ZNF454: variants seen among roughly 807,000 people sequenced by gnomAD.
ZNF454 encodes zinc finger protein 454.
ZNF454 carries 30 observed loss-of-function variants against 48.2 expected under a neutral mutation model. The ratio of observed to expected loss-of-function variants is 0.62; its 90% CI spans 0.47 to 0.84. The LOEUF (loss-of-function observed/expected upper bound fraction) is 0.84, where lower values mean the gene tolerates loss of function less well. Among genes scored for constraint, ZNF454 ranks in the 40% least tolerant of loss-of-function variants. ZNF454 has a pLI of 0.00. For missense variants in ZNF454, 510 were observed against 623.1 expected (o/e 0.82, Z 1.93); for synonymous variants, 204 against 211.4 (o/e 0.97, Z 0.30).
the ZNF454 span, among the ~76,000 whole-genome samples, chr5:178,974,637 A>G: frequency 6.6e-6 from 1 of 152,182 alleles, no homozygotes; most frequent in Admixed American, 6.5e-5. Context: ...TTCTGTACTT[A>G]CCATTACTGC....
intron 2 of ZNF454, among the ~76,000 whole-genome samples, chr5:178,945,028 A>G (rs748066622): frequency 4.3e-4 from 53 of 124,526 alleles, no homozygotes; most frequent in South Asian, 2.5e-3. Flanking sequence ...ACACGTGTGC[A>G]TGTGTGTGTG....
At chr5:178,960,101 C>G (rs1759947278) in intron 4 of ZNF454, among the ~76,000 whole-genome samples, 1 of 151,218 alleles carries the variant, frequency 6.6e-6, no homozygotes, top group Non-Finnish European at 1.5e-5. Flanking sequence ...AGGAACACAT[C>G]ACCATGCCTG....
chr5:178,946,656 C>T lies in ZNF454; in HGVS notation c.160+171C>T, dbSNP rs1215709259. Reference sequence around the variant, plus strand: ...GGGCACAGGCCTCTTTTGGAGTCCACTGCGGATGCCTCAAAAGTGACTAGG... The same window carrying T: ...GGGCACAGGCCTCTTTTGGAGTCCATTGCGGATGCCTCAAAAGTGACTAGG... On this transcript the variant is annotated intron_variant, in intron 3 of 4. Coordinates refer to ENST00000519564, the MANE Select transcript of ZNF454 (RefSeq NM_001178089.3). The surrounding 1 kb of genome is among the most constrained non-coding windows in gnomAD (Gnocchi z 4.5). 6.6e-6 allele frequency among the ~76,000 whole-genome samples: 1 copy of T among 152,180 alleles called. No homozygotes were observed. Among genetic ancestry groups the T allele is most frequent in the African/African-American group, 2.4e-5 (1 of 41,450 alleles).
In ZNF454 at chr5:178,965,962, G is replaced by A. The variant is rs776373645; in HGVS notation, c.1558G>A (p.Gly520Arg). The A allele has an allele frequency of 6.4e-7, 1 of 1,569,574 alleles. No homozygotes were observed. The highest frequency in any genetic ancestry group is 1.7e-4 in the Middle Eastern group (1 of 5,822). The change falls in exon 5 of 5, where the codon GGA becomes AGA. Residue 520 changes from glycine to arginine, a missense_variant. Transcript: ENST00000519564. The surrounding 1 kb of genome is among the most constrained non-coding windows in gnomAD (Gnocchi z 5.2). ...NLIQHQRHHI[G>R]EK The stretch of plus-strand genomic sequence containing the variant: ...CATTCAGCATCAGAGACATCATATT[G>A]GAGAGAAGTGATATGAATGCAGTTT...
At chr5:178,963,019 G>T (rs1392359673) in intron 4 of ZNF454, among the ~76,000 whole-genome samples, 1 of 151,732 alleles carries the variant, frequency 6.6e-6, no homozygotes, top group Non-Finnish European at 1.5e-5. Context: ...TGGTTCTGTT[G>T]TACTAAAAGA....
chr5:178,952,085 G>A (rs990336858), intron 4 of ZNF454, among the ~76,000 whole-genome samples: 1 of 150,100 alleles, frequency 6.7e-6, no homozygotes, highest in African/African-American at 2.5e-5. Flanking sequence ...TCGCCCAGGC[G>A]GGAGTGCTGT....
rs1561708086 is a variant in ZNF454, at chr5:178,964,785, G to GT, written c.382dup (p.Trp128LeufsTer26). 1.2e-6 allele frequency: 2 copies of GT among 1,614,236 alleles called. No homozygotes were observed. Among genetic ancestry groups the GT allele is most frequent in the Admixed American group, 1.7e-5 (1 of 60,024 alleles). Reference sequence around the variant, plus strand: ...ACTGGAAGTGTGCTAGCCTGCTGGAGTGGCAATGTGGAGGCCAGGAGATCA... The same window carrying GT: ...ACTGGAAGTGTGCTAGCCTGCTGGAGTTGGCAATGTGGAGGCCAGGAGATCA... On this transcript the variant is annotated frameshift_variant, in exon 5 of 5. Coordinates refer to ENST00000519564, the MANE Select transcript of ZNF454 (RefSeq NM_001178089.3). LOFTEE classifies it high-confidence loss of function.
chr5:178,985,516 A>C, the ZNF454 span: 5 of 340,006 alleles, frequency 1.5e-5, no homozygotes, highest in Non-Finnish European at 2.3e-5. Flanking sequence ...ATCCTGGCTA[A>C]CACGGTGAAG....
At chr5:178,985,645 G>GCA in the ZNF454 span, 1 of 382,560 alleles carries the variant, frequency 2.6e-6, no homozygotes, top group Non-Finnish European at 5.1e-6. Flanking sequence ...AGAGCTTGCA[G>GCA]GGAGCTGAGA....
At chr5:178,943,105 A>G (rs2113167379) in intron 2 of ZNF454, among the ~76,000 whole-genome samples, 1 of 152,350 alleles carries the variant, frequency 6.6e-6, no homozygotes, top group Admixed American at 6.5e-5. Flanking sequence ...CTAGCAAGTA[A>G]GATTAGGGAT....
At chr5:178,985,189 G>T in the ZNF454 span, 2 of 442,344 alleles carry the variant, frequency 4.5e-6, no homozygotes, top group South Asian at 3.2e-5. Context: ...CAGGAAAACC[G>T]GTCAGATAGC....
downstream of ZNF454, chr5:178,969,048 G>A (rs115563815): frequency 8.5e-4 from 312 of 367,076 alleles, 2 homozygotes; most frequent in African/African-American, 5.8e-3. Context: ...CAAAAAGTAC[G>A]TCACTGGCCT....
In ZNF454 at chr5:178,957,882, T is replaced by C. The variant is rs572177141; in HGVS notation, c.251-6773T>C. On this transcript the variant is annotated intron_variant, in intron 4 of 4. Coordinates refer to ENST00000519564, the MANE Select transcript of ZNF454 (RefSeq NM_001178089.3). The stretch of plus-strand genomic sequence containing the variant: ...AAACTCTATTTGAAGATGAGTGTTA[T>C]CATGTAATATAAAATATTTAAAAAG... Among the ~76,000 whole-genome samples, 13 of 152,338 alleles carry C rather than the reference T, an allele frequency of 8.5e-5. No individual in the cohort carries two copies. The South Asian group carries it at 2.5e-3, about 29-fold the overall frequency.
chr5:178,987,658 G>A, the ZNF454 span, among the ~76,000 whole-genome samples: 1 of 152,334 alleles, frequency 6.6e-6, no homozygotes, highest in Admixed American at 6.5e-5. Flanking sequence ...CTGGCGGGAG[G>A]AGGGGATGGG....
the ZNF454 span, among the ~76,000 whole-genome samples, chr5:178,982,576 C>CAAAAAAAA: frequency 5.0e-5 from 1 of 20,184 alleles, no homozygotes; most frequent in African/African-American, 2.5e-4. Flanking sequence ...GACTCTGTCT[C>CAAAAAAAA]AAAAAAAAAA....
Position 178,966,044 on chromosome 5 carries a change from C to A in ZNF454, c.*71C>A. On this transcript the variant is annotated 3_prime_UTR_variant, in exon 5 of 5. Transcript: ENST00000519564. ...ATTATTGAATGTGAGATAATCCGTT[C>A]TAGAGAATAACTATGAAAGCTTGCA... 1 of 1,244,340 alleles carries A rather than the reference C, an allele frequency of 8.0e-7. No homozygotes were observed. The highest frequency in any genetic ancestry group is 1.1e-6 in the Non-Finnish European group (1 of 894,380). The allele number at this position is 1,244,340 out of a possible 1,614,324, so 77.1% of individuals were successfully genotyped here. A position where few individuals can be genotyped will look rare whatever the true frequency, so the allele number is the denominator to read the frequency against.
the ZNF454 span, chr5:178,982,692 TAAAAAAAAA>T: frequency 2.3e-6 from 1 of 431,646 alleles, no homozygotes; most frequent in Non-Finnish European, 4.1e-6. Flanking sequence ...ATGAAAATGA[TAAAAAAAAA>T]AAAGAAAAAA....
downstream of ZNF454, chr5:178,969,456 T>C (rs1212065830): frequency 6.6e-6 from 3 of 456,812 alleles, no homozygotes; most frequent in Admixed American, 7.0e-5. Flanking sequence ...CATACCTTGC[T>C]CTTGTAGTCC....
At chr5:178,956,674 A>ATTTATTTATTT (rs1561702161) in intron 4 of ZNF454, among the ~76,000 whole-genome samples, 1 of 33,872 alleles carries the variant, frequency 3.0e-5, no homozygotes, top group African/African-American at 6.5e-5. Context: ...TATTTTATTT[A>ATTTATTTATTT]ATTTATTTAT....
Sources: gnomAD v4.1 joint callset for allele counts (sites outside exome capture counted in the v4.1 genomes callset) on GRCh38, gnomAD v4.1.1 for gene constraint, Gnocchi (gnomAD v3.1) non-coding constraint, MANE v1.5 for transcripts, NCBI Gene and HGNC (gene_info 2026-07-23, HGNC 2026-07-21) for gene names.